The following FAT3 variants were observed in gnomAD, a reference collection of about 807,000 sequenced individuals.
FAT3 encodes FAT atypical cadherin 3.
Under a neutral mutation model 310.2 loss-of-function variants are expected in FAT3, and 95 were observed. The observed-to-expected ratio is 0.31, with a 90% CI of 0.26 to 0.36. The LOEUF (loss-of-function observed/expected upper bound fraction) is 0.36, where lower values mean the gene tolerates loss of function less well. FAT3 is among the 10% of genes least tolerant of loss of function. FAT3 has a pLI of 1.00. For missense variants in FAT3, 5,408 were observed against 5,715.6 expected (o/e 0.95, Z 1.74); for synonymous variants, 2,314 against 2,192.9 (o/e 1.06, Z -1.54).
intron 2 of FAT3, among the ~76,000 whole-genome samples, chr11:92,463,558 T>C (rs1360740142): frequency 6.6e-6 from 1 of 152,194 alleles, no homozygotes; most frequent in Non-Finnish European, 1.5e-5. Flanking sequence ...GCATAGTGAC[T>C]AGCAACTAAC....
intron 2 of FAT3, among the ~76,000 whole-genome samples, chr11:92,450,110 A>G (rs1951317707): frequency 6.6e-6 from 1 of 152,166 alleles, no homozygotes; most frequent in Non-Finnish European, 1.5e-5. Flanking sequence ...ATCGGCTTTG[A>G]CAACTGTGTA....
intron 3 of FAT3, among the ~76,000 whole-genome samples, chr11:92,549,912 A>G (rs979181024): frequency 2.6e-5 from 4 of 152,270 alleles, no homozygotes; most frequent in Admixed American, 6.5e-5. Context: ...TTTCATTCCA[A>G]TAAGCCAGAG....
At chr11:92,413,208 A>G (rs535891660) in intron 2 of FAT3, among the ~76,000 whole-genome samples, 98 of 152,286 alleles carry the variant, frequency 6.4e-4, no homozygotes, top group African/African-American at 2.3e-3. Context: ...TAATGTCAAC[A>G]AAGGAACCCT....
rs35238743 is a variant in FAT3, at chr11:92,551,414, T to TTGTTTTGTGTGTGTGTGTGTGTGTG, written c.3607+26469_3607+26470insTTTGTGTGTGTGTGTGTGTGTGTGT. On this transcript the variant is annotated intron_variant, in intron 3 of 27. Coordinates refer to ENST00000525166, the MANE Select transcript of FAT3 (RefSeq NM_001367949.2). ...ATCTTGGTCCCATGTTTTTTTTGTT[T>TTGTTTTGTGTGTGTGTGTGTGTGTG]TGTGTGTGTGTGTGTGTGTGTGTGT... Among the ~76,000 whole-genome samples, 200 of 128,960 alleles carry TTGTTTTGTGTGTGTGTGTGTGTGTG rather than the reference T, an allele frequency of 1.6e-3. 1 individual carries two copies. The highest frequency in any genetic ancestry group is 3.6e-3 in the African/African-American group (124 of 34,666). 84.6% of individuals were successfully genotyped at this position (128,960 alleles called of 152,430 possible).
intron 2 of FAT3, among the ~76,000 whole-genome samples, chr11:92,441,400 G>T (rs1019452776): frequency 6.6e-6 from 1 of 152,182 alleles, no homozygotes; most frequent in African/African-American, 2.4e-5. Flanking sequence ...GCTTTCCATA[G>T]TAATGAAAAA....
chr11:92,713,883 G>A (rs1207852711), intron 4 of FAT3, among the ~76,000 whole-genome samples: 1 of 152,220 alleles, frequency 6.6e-6, no homozygotes, highest in African/African-American at 2.4e-5. Flanking sequence ...GTTCTCTTCA[G>A]TTTAATGCCT....
At chr11:92,725,709 C>T (rs150383307) in intron 4 of FAT3, among the ~76,000 whole-genome samples, 67 of 152,200 alleles carry the variant, frequency 4.4e-4, no homozygotes, top group African/African-American at 1.5e-3. Context: ...CCTAGGCAAG[C>T]TTCTTAGAAG....
At chr11:92,826,896 C>A (rs1948117825) in intron 13 of FAT3, among the ~76,000 whole-genome samples, 1 of 152,132 alleles carries the variant, frequency 6.6e-6, no homozygotes, top group African/African-American at 2.4e-5. Flanking sequence ...CCAAACCAGG[C>A]AGAACATAGC....
intron 3 of FAT3, among the ~76,000 whole-genome samples, chr11:92,688,438 A>G (rs1943699214): frequency 1.3e-5 from 2 of 152,092 alleles, no homozygotes; most frequent in Admixed American, 6.6e-5. Flanking sequence ...AATTACTATA[A>G]CCCCATCATC....
chr11:92,811,651 G>A lies in FAT3; in HGVS notation c.9481+1575G>A, dbSNP rs1947676289. Reference sequence around the variant, plus strand: ...CATTTAACAGGGCAGAGATGATAAAGACTTTAAGGAACCAAAACTGGAATG... The same window carrying A: ...CATTTAACAGGGCAGAGATGATAAAAACTTTAAGGAACCAAAACTGGAATG... On this transcript the variant is annotated intron_variant, in intron 13 of 27. Transcript: ENST00000525166. 2.0e-5 allele frequency among the ~76,000 whole-genome samples: 3 copies of A among 152,230 alleles called. No individual in the cohort carries two copies. The South Asian group carries it at 6.2e-4, about 32-fold the overall frequency.
At chr11:92,746,787 GC>G (rs1323044011) in intron 4 of FAT3, among the ~76,000 whole-genome samples, 2 of 152,140 alleles carry the variant, frequency 1.3e-5, no homozygotes, top group African/African-American at 4.8e-5. Flanking sequence ...GGGGCTACAG[GC>G]CCCATGCAAG....
intron 2 of FAT3, among the ~76,000 whole-genome samples, chr11:92,483,227 T>C (rs1387374185): frequency 6.6e-6 from 1 of 152,222 alleles, no homozygotes; most frequent in African/African-American, 2.4e-5. Flanking sequence ...AGTGCATTTG[T>C]CTGGAATTTT....
chr11:92,762,362 C>T lies in FAT3; in HGVS notation c.3984+192C>T, dbSNP rs58068521. 1.9e-3 allele frequency among the ~76,000 whole-genome samples: 295 copies of T among 152,232 alleles called. 6 individuals carry two copies. The East Asian group carries it at 0.052, about 27-fold the overall frequency. On this transcript the variant is annotated intron_variant, in intron 5 of 27. Transcript: ENST00000525166. ...TCATTGATATTCTTAAATGACGAGA[C>T]AATTTCCTTTGGTTGTGTCCTGTCA... is the stretch of plus-strand genomic sequence containing the variant.
intron 2 of FAT3, among the ~76,000 whole-genome samples, chr11:92,441,954 A>C (rs950184037): frequency 1.3e-4 from 20 of 151,554 alleles, no homozygotes; most frequent in Non-Finnish European, 2.6e-4. Context: ...AGACACGTTC[A>C]CGACTCAGGA....
intron 3 of FAT3, among the ~76,000 whole-genome samples, chr11:92,676,317 A>T (rs1943287250): frequency 6.6e-6 from 1 of 152,180 alleles, no homozygotes; most frequent in South Asian, 2.1e-4. Flanking sequence ...CATAATTTAT[A>T]TTTCTAATAA....
chr11:92,272,648 C>T (rs950892516), intron 1 of FAT3, among the ~76,000 whole-genome samples: 5 of 151,930 alleles, frequency 3.3e-5, no homozygotes, highest in African/African-American at 1.2e-4. Flanking sequence ...GGGAAAGCTG[C>T]ATGGGAGAGG....
At chr11:92,394,562 T>A (rs1050924626) in intron 2 of FAT3, among the ~76,000 whole-genome samples, 1 of 152,124 alleles carries the variant, frequency 6.6e-6, no homozygotes, top group Non-Finnish European at 1.5e-5. Context: ...TAACGTGAAA[T>A]CACAGCTCTG....
intron 1 of FAT3, among the ~76,000 whole-genome samples, chr11:92,225,463 C>T (rs188893042): frequency 2.1e-3 from 318 of 152,216 alleles, no homozygotes; most frequent in African/African-American, 7.2e-3. Flanking sequence ...GGCTGAGGAT[C>T]TGGGGAGGGG....
In FAT3 at chr11:92,832,007, G is replaced by T; in HGVS notation, c.9867G>T (p.Lys3289Asn). The change falls in exon 14 of 28, where the codon AAG becomes AAT. Residue 3289 changes from lysine to asparagine, a missense_variant. Lys to Asn is a moderately conservative substitution (Grantham distance 94, BLOSUM62 0). Coordinates refer to ENST00000525166, the MANE Select transcript of FAT3 (RefSeq NM_001367949.2). ...NEQGKFKINPKTGGISVSEVL... is the reference protein window; with the variant it reads ...NEQGKFKINPNTGGISVSEVL... ...AAGGGAAATTTAAGATCAACCCCAA[G>T]ACAGGTGGGTAAATAGCACTGTACT... The T allele has an allele frequency of 6.5e-7, 1 of 1,541,318 alleles. No individual in the cohort carries two copies. Among genetic ancestry groups the T allele is most frequent in the South Asian group, 1.2e-5 (1 of 83,174 alleles).
Sources: allele counts gnomAD v4.1 joint callset (sites outside exome capture counted in the v4.1 genomes callset), GRCh38; gene constraint gnomAD v4.1.1; transcripts MANE v1.5; gene names NCBI Gene and HGNC (gene_info 2026-07-23, HGNC 2026-07-21).